Variants in TFEC observed in about 807,000 individuals in gnomAD.
TFEC encodes class E basic helix-loop-helix protein 34.
Under a neutral mutation model 41.6 loss-of-function variants are expected in TFEC, and 31 were observed. That is an observed-to-expected ratio of 0.74 (90% CI 0.56 to 1.01). The LOEUF is 1.01. Ranked by LOEUF, TFEC falls within the 50% of genes least tolerant of loss-of-function variation. The pLI is 0.00. For synonymous variants in TFEC, 143 were observed against 140.6 expected, an observed-to-expected ratio of 1.02 and a Z score of -0.12; for missense variants, 402 against 404.1, an observed-to-expected ratio of 0.99 and a Z score of 0.04.
intron 3 of TFEC, among the ~76,000 whole-genome samples, chr7:116,092,701 T>C (rs528218730): frequency 6.6e-6 from 1 of 152,272 alleles, no homozygotes; most frequent in South Asian, 2.1e-4. Context: ...ATTAATTTGT[T>C]TGGGCATTCT....
At chr7:116,067,767 G>C (rs1175866401) in intron 3 of TFEC, among the ~76,000 whole-genome samples, 1 of 151,910 alleles carries the variant, frequency 6.6e-6, no homozygotes, top group Non-Finnish European at 1.5e-5. Context: ...CTTGACTAAA[G>C]TCTTTCCCAC....
intron 2 of TFEC, among the ~76,000 whole-genome samples, chr7:115,983,473 G>A (rs1369112717): frequency 6.6e-6 from 1 of 152,074 alleles, no homozygotes; most frequent in Non-Finnish European, 1.5e-5. Flanking sequence ...AATGTAGATT[G>A]GGAGATTAAA....
chr7:116,107,111 C>T (rs1383560113), intron 3 of TFEC, among the ~76,000 whole-genome samples: 1 of 152,158 alleles, frequency 6.6e-6, no homozygotes, highest in East Asian at 1.9e-4. Context: ...GAACTAATCA[C>T]CTAGGGTGTT....
At chr7:116,081,999 A>T (rs896471851) in intron 3 of TFEC, among the ~76,000 whole-genome samples, 2 of 151,964 alleles carry the variant, frequency 1.3e-5, no homozygotes, top group Non-Finnish European at 2.9e-5. Context: ...CTGCTCAGGA[A>T]GAATTTTACT....
At position 115,942,057 on chromosome 7, in the gene TFEC, T is replaced by G. The variant is rs146990812; in HGVS notation, c.516-17A>C. On this transcript the variant is annotated splice_polypyrimidine_tract_variant and intron_variant, in intron 6 of 7. Transcript: ENST00000265440. ...CGCATATCACTGTAGAATGGAGAGA[T>G]AACCTTTTCACAATTGTGCATGTCA... 9.4e-5 allele frequency: 150 copies of G among 1,596,558 alleles called. No homozygotes were observed. In the African/African-American group the frequency reaches 1.1e-3, roughly 12 times the overall value.
rs912740446 is a variant in TFEC at position 116,003,754 on chromosome 7, C to T, written c.-72-19241G>A. On this transcript the variant is annotated intron_variant, in intron 1 of 7. Transcript: ENST00000265440. ...ATTCTGAACCATAAAAGACACTATA[C>T]AAATTAAATTTTAAAAAATCATACA... Among the ~76,000 whole-genome samples the T allele has an allele frequency of 2.6e-5, 4 of 152,072 alleles. No homozygotes were observed. The East Asian group carries it at 5.8e-4, about 22-fold the overall frequency.
intron 1 of TFEC, among the ~76,000 whole-genome samples, chr7:116,154,951 GC>G (rs746464556): frequency 1.3e-5 from 2 of 152,166 alleles, no homozygotes; most frequent in Non-Finnish European, 2.9e-5. Flanking sequence ...TTCCTCTTCT[GC>G]CATACTATCC....
chr7:116,061,469 G>A (rs1796555225), intron 3 of TFEC, among the ~76,000 whole-genome samples: 1 of 152,046 alleles, frequency 6.6e-6, no homozygotes, highest in South Asian at 2.1e-4. Context: ...ATGGATCATA[G>A]ACTTAAATGC....
upstream of TFEC, among the ~76,000 whole-genome samples, chr7:116,031,112 C>T (rs561231685): frequency 6.6e-6 from 1 of 152,138 alleles, no homozygotes; most frequent in East Asian, 1.9e-4. Flanking sequence ...TCACAATGAA[C>T]ATTTCTTCAA....
intron 3 of TFEC, among the ~76,000 whole-genome samples, chr7:116,103,479 G>A (rs560068618): frequency 3.9e-5 from 6 of 152,278 alleles, no homozygotes; most frequent in African/African-American, 1.4e-4. Context: ...GTTCAATCTA[G>A]TGAGCAAAAA....
At chr7:115,987,781 T>TTA (rs1269421648) in intron 1 of TFEC, among the ~76,000 whole-genome samples, 7 of 151,952 alleles carry the variant, frequency 4.6e-5, no homozygotes, top group East Asian at 1.9e-4. Context: ...AAAATGTGTT[T>TTA]TATATATATA....
At chr7:116,084,479 T>C (rs1236263239) in intron 3 of TFEC, among the ~76,000 whole-genome samples, 1 of 151,876 alleles carries the variant, frequency 6.6e-6, no homozygotes, top group Non-Finnish European at 1.5e-5. Flanking sequence ...CTCGTTCTAA[T>C]AAAAATGACT....
intron 1 of TFEC, among the ~76,000 whole-genome samples, chr7:115,984,770 T>C (rs1233147288): frequency 6.6e-6 from 1 of 152,114 alleles, no homozygotes; most frequent in African/African-American, 2.4e-5. Flanking sequence ...AAATTAGGAA[T>C]AAATATAAAA....
chr7:116,016,895 T>C (rs1047227012), intron 1 of TFEC, among the ~76,000 whole-genome samples: 15 of 152,100 alleles, frequency 9.9e-5, no homozygotes, highest in African/African-American at 3.4e-4. Flanking sequence ...CAAGCACTTA[T>C]TATTTCTCCT....
intron 1 of TFEC, among the ~76,000 whole-genome samples, chr7:116,005,289 G>A (rs1156656327): frequency 2.0e-5 from 3 of 152,186 alleles, no homozygotes; most frequent in East Asian, 1.9e-4. Flanking sequence ...AAGAAGACAG[G>A]AAAATGTGGG....
Position 116,048,085 on chromosome 7 carries a change from C to T in TFEC, c.198+62623G>A, listed in dbSNP as rs548975421. On this transcript the variant is annotated intron_variant, in intron 3 of 8. Coordinates refer to the TFEC transcript ENST00000484212. ...TAAAAATCAGAGCGCCTCTTCTCCT[C>T]CAAAGGAACACAGCTCCTTGCCAGC... Among the ~76,000 whole-genome samples, 38 of 152,320 alleles carry T rather than the reference C, an allele frequency of 2.5e-4. No homozygotes were observed. In the East Asian group the frequency reaches 6.4e-3, roughly 26 times the overall value.
At position 115,937,584 on chromosome 7, in the gene TFEC, G is replaced by T. The variant is rs762930926; in HGVS notation, c.*2967C>A. 1 of 151,756 alleles carries T rather than the reference G, an allele frequency of 6.6e-6. No homozygotes were observed. The highest frequency in any genetic ancestry group is 1.5e-5 in the Non-Finnish European group (1 of 67,762). 9.4% of individuals were successfully genotyped at this position (151,756 alleles called of 1,614,324 possible). A position where few individuals can be genotyped will look rare whatever the true frequency, so the allele number is the denominator to read the frequency against. ...ATATAATAAATAGAAGGCATAGTTT[G>T]CTGAGTGGGGAGGACATGTTTGATA... On this transcript the variant is annotated 3_prime_UTR_variant, in exon 8 of 8. Coordinates refer to ENST00000265440, the MANE Select transcript of TFEC (RefSeq NM_012252.4).
intron 3 of TFEC, among the ~76,000 whole-genome samples, chr7:116,094,801 T>C (rs1181120568): frequency 3.9e-5 from 6 of 152,240 alleles, no homozygotes; most frequent in African/African-American, 1.2e-4. Context: ...TTTGTTCTTA[T>C]TTCTTATTCA....
At chr7:116,063,792 T>C (rs551177459) in intron 3 of TFEC, among the ~76,000 whole-genome samples, 1 of 152,366 alleles carries the variant, frequency 6.6e-6, no homozygotes, top group South Asian at 2.1e-4. Context: ...TTTTTAAGGC[T>C]GAATAGCATT....
Sources: gnomAD v4.1 joint callset for allele counts (sites outside exome capture counted in the v4.1 genomes callset) on GRCh38, gnomAD v4.1.1 for gene constraint, MANE v1.5 for transcripts, NCBI Gene and HGNC (gene_info 2026-07-23, HGNC 2026-07-21) for gene names.